MAP7: variants seen among roughly 807,000 people sequenced by gnomAD.
The protein encoded by MAP7 is microtubule associated protein 7.
A neutral mutation model predicts 94.8 loss-of-function variants in MAP7; 52 were observed. The ratio of observed to expected loss-of-function variants is 0.55; its 90% CI spans 0.44 to 0.69. The LOEUF is 0.69. Ranked by LOEUF, MAP7 falls within the 30% of genes least tolerant of loss-of-function variation. The pLI, the probability that MAP7 is intolerant of heterozygous loss-of-function variation, is 0.00. For synonymous variants in MAP7, 350 were observed against 357.0 expected (o/e 0.98, Z 0.22); for missense variants, 940 against 964.6 (o/e 0.97, Z 0.34).
intron 3 of MAP7, among the ~76,000 whole-genome samples, chr6:136,392,919 TATAAGAG>T (rs1366066768): frequency 6.6e-6 from 1 of 152,232 alleles, no homozygotes; most frequent in East Asian, 1.9e-4. Context: ...TTTCCTCTCC[TATAAGAG>T]ATCCAGAAGC....
intron 3 of MAP7, among the ~76,000 whole-genome samples, chr6:136,410,036 T>G (rs974884968): frequency 2.6e-5 from 4 of 152,254 alleles, no homozygotes; most frequent in Non-Finnish European, 5.9e-5. Flanking sequence ...AAAGTCATTT[T>G]TGTTTCACCA....
intron 2 of MAP7, 81 bp from the exon 3 acceptor site, chr6:136,411,778 T>C (rs1004228120): frequency 3.6e-6 from 4 of 1,125,678 alleles, no homozygotes; most frequent in Non-Finnish European, 3.8e-6. Context: ...CATTGATAAA[T>C]ATCCAGTAAA....
At chr6:136,507,770 G>T (rs1339434518) in intron 1 of MAP7, among the ~76,000 whole-genome samples, 1 of 152,092 alleles carries the variant, frequency 6.6e-6, no homozygotes, top group African/African-American at 2.4e-5. Context: ...GTCACTACTA[G>T]CCCTGATTTA....
At chr6:136,483,169 T>C (rs1331610375) in intron 1 of MAP7, among the ~76,000 whole-genome samples, 4 of 148,018 alleles carry the variant, frequency 2.7e-5, no homozygotes. Flanking sequence ...GTGGTACATA[T>C]ACACCATGGA....
chr6:136,487,264 A>C (rs1815072691), intron 1 of MAP7, among the ~76,000 whole-genome samples: 1 of 152,228 alleles, frequency 6.6e-6, no homozygotes, highest in Non-Finnish European at 1.5e-5. Context: ...TGGGTTGTAA[A>C]ATCATATATG....
At chr6:136,429,479 G>A (rs1794252651) in intron 1 of MAP7, among the ~76,000 whole-genome samples, 1 of 152,168 alleles carries the variant, frequency 6.6e-6, no homozygotes, top group Admixed American at 6.5e-5. Flanking sequence ...TCTCAACTTT[G>A]GGAAATTTGT....
chr6:136,447,533 T>C (rs888331813), intron 1 of MAP7, among the ~76,000 whole-genome samples: 1 of 152,244 alleles, frequency 6.6e-6, no homozygotes, highest in Non-Finnish European at 1.5e-5. Context: ...ATGGAGAGTA[T>C]CATAAATTTT....
intron 3 of MAP7, among the ~76,000 whole-genome samples, chr6:136,401,548 G>A (rs754056075): frequency 4.4e-4 from 67 of 152,212 alleles, no homozygotes; most frequent in Non-Finnish European, 8.4e-4. Flanking sequence ...ACCAAACACC[G>A]CATGTTCTCA....
At chr6:136,372,439 C>A in intron 8 of MAP7, 62 bp downstream of exon 8, 1 of 1,598,122 alleles carries the variant, frequency 6.3e-7, no homozygotes, top group Non-Finnish European at 8.5e-7. Context: ...GGGTCATGTA[C>A]AGTCTGCACA....
chr6:136,523,955 A>G (rs1393324772), intron 1 of MAP7, among the ~76,000 whole-genome samples: 2 of 152,156 alleles, frequency 1.3e-5, no homozygotes, highest in African/African-American at 4.8e-5. Context: ...ATTATTAAGA[A>G]GAGGGCAGGG....
intron 2 of MAP7, among the ~76,000 whole-genome samples, chr6:136,419,680 G>A (rs905696621): frequency 6.6e-6 from 1 of 152,172 alleles, no homozygotes; most frequent in African/African-American, 2.4e-5. Context: ...TCAGGTGAGT[G>A]TATCACATGT....
chr6:136,349,349 T>C (rs1197061568), intron 16 of MAP7, among the ~76,000 whole-genome samples: 1 of 152,216 alleles, frequency 6.6e-6, no homozygotes, highest in African/African-American at 2.4e-5. Context: ...TAAAATTTTA[T>C]AAAATCCATA....
chr6:136,550,319 C>T lies in MAP7; in HGVS notation c.67+23G>A. 1 of 1,500,000 alleles carries T rather than the reference C, an allele frequency of 6.7e-7. No homozygotes were observed. The highest frequency in any genetic ancestry group is 8.8e-7 in the Non-Finnish European group (1 of 1,131,002). The allele number at this position is 1,500,000 out of a possible 1,614,324, so 92.9% of individuals were successfully genotyped here. On this transcript the variant is annotated intron_variant, in intron 1 of 17. Transcript: ENST00000354570. The surrounding 1 kb of genome is among the most constrained non-coding windows in gnomAD (Gnocchi z 5.1). ...GCCGTCCCCTGCCCGACGGGACCCC[C>T]ACTATCCCCGCTGTGCGGTCACCTG...
chr6:136,508,323 C>CT (rs1822204190), intron 1 of MAP7, among the ~76,000 whole-genome samples: 1 of 150,834 alleles, frequency 6.6e-6, no homozygotes, highest in Non-Finnish European at 1.5e-5. Flanking sequence ...GAGACACTGT[C>CT]TCAAAAAAAA....
At chr6:136,421,121 T>C (rs1415090169) in intron 2 of MAP7, among the ~76,000 whole-genome samples, 1 of 152,242 alleles carries the variant, frequency 6.6e-6, no homozygotes, top group African/African-American at 2.4e-5. Context: ...TACAGACTGT[T>C]TGCTTCTTTG....
At chr6:136,413,075 C>A (rs764217514) in intron 2 of MAP7, among the ~76,000 whole-genome samples, 2 of 151,950 alleles carry the variant, frequency 1.3e-5, no homozygotes, top group African/African-American at 4.8e-5. Context: ...GGCAGGAGAA[C>A]GGCTTGAACT....
At chr6:136,545,419 A>G (rs960417478) in intron 1 of MAP7, 2 of 152,204 alleles carry the variant, frequency 1.3e-5, no homozygotes, top group Non-Finnish European at 2.9e-5. Flanking sequence ...AGAACTTGCA[A>G]TCAATATTTC....
At chr6:136,387,243 T>C (rs763194643) in intron 5 of MAP7, among the ~76,000 whole-genome samples, 6 of 152,214 alleles carry the variant, frequency 3.9e-5, no homozygotes, top group Non-Finnish European at 8.8e-5. Context: ...ACAGCAGTAA[T>C]GATTGACGGG....
chr6:136,438,023 T>C (rs893032991), intron 1 of MAP7, among the ~76,000 whole-genome samples: 1 of 152,190 alleles, frequency 6.6e-6, no homozygotes, highest in Non-Finnish European at 1.5e-5. Context: ...CTCTCTCTAA[T>C]ATAGTATCAG....
Sources: allele counts gnomAD v4.1 joint callset (sites outside exome capture counted in the v4.1 genomes callset), GRCh38; gene constraint gnomAD v4.1.1; non-coding constraint Gnocchi (gnomAD v3.1); transcripts MANE v1.5; gene names NCBI Gene and HGNC (gene_info 2026-07-23, HGNC 2026-07-21).